PPARGC1A: variants seen among roughly 807,000 people sequenced by gnomAD.
PPARGC1A encodes the protein peroxisome proliferator-activated receptor gamma coactivator 1-alpha.
In PPARGC1A, 25 loss-of-function variants were observed where a neutral mutation model predicts 88.7. The ratio of observed to expected loss-of-function variants is 0.28; its 90% CI spans 0.21 to 0.39. The LOEUF (loss-of-function observed/expected upper bound fraction) is 0.39, where lower values mean the gene tolerates loss of function less well. Among genes scored for constraint, PPARGC1A ranks in the 10% least tolerant of loss-of-function variants. The pLI, the probability that PPARGC1A is intolerant of heterozygous loss-of-function variation, is 1.00. For synonymous variants in PPARGC1A, 363 were observed against 355.6 expected (o/e 1.02, Z -0.24); for missense variants, 880 against 968.7 (o/e 0.91, Z 1.22).
At chr4:24,148,847 C>T in the PPARGC1A span, among the ~76,000 whole-genome samples, 2 of 152,168 alleles carry the variant, frequency 1.3e-5, no homozygotes, top group African/African-American at 4.8e-5. Context: ...TACGTCTTCT[C>T]CATAAGTAAG....
the PPARGC1A span, among the ~76,000 whole-genome samples, chr4:24,404,345 T>G: frequency 6.6e-6 from 1 of 151,228 alleles, no homozygotes; most frequent in African/African-American, 2.4e-5. Flanking sequence ...AGAAAGCAAT[T>G]TAAGGGAACA....
the PPARGC1A span, among the ~76,000 whole-genome samples, chr4:24,166,688 T>C: frequency 6.6e-6 from 1 of 152,200 alleles, no homozygotes; most frequent in African/African-American, 2.4e-5. Flanking sequence ...ATGCTAAATA[T>C]ATTGTGTCTC....
the PPARGC1A span, among the ~76,000 whole-genome samples, chr4:24,226,965 G>A: frequency 1.3e-5 from 2 of 152,154 alleles, no homozygotes; most frequent in African/African-American, 4.8e-5. Context: ...AGTCAAAAGA[G>A]AAAACCCCTA....
At chr4:24,404,844 T>C in the PPARGC1A span, among the ~76,000 whole-genome samples, 1 of 152,220 alleles carries the variant, frequency 6.6e-6, no homozygotes, top group Admixed American at 6.5e-5. Flanking sequence ...TCAAGCAACT[T>C]CAAACTGCCA....
the PPARGC1A span, among the ~76,000 whole-genome samples, chr4:24,425,213 G>A: frequency 6.6e-6 from 1 of 152,126 alleles, no homozygotes; most frequent in Non-Finnish European, 1.5e-5. Context: ...GATGGTAACA[G>A]ATTACAGAGG....
chr4:24,011,185 T>C, the PPARGC1A span, among the ~76,000 whole-genome samples: 1 of 152,168 alleles, frequency 6.6e-6, no homozygotes, highest in African/African-American at 2.4e-5. Flanking sequence ...AATAATAGAC[T>C]TTAGAGTAAG....
the PPARGC1A span, among the ~76,000 whole-genome samples, chr4:23,958,634 T>C: frequency 6.6e-6 from 1 of 152,244 alleles, no homozygotes; most frequent in African/African-American, 2.4e-5. Context: ...TACATACCTA[T>C]GTTTGTGAGC....
chr4:24,112,373 A>T, the PPARGC1A span, among the ~76,000 whole-genome samples: 14 of 152,158 alleles, frequency 9.2e-5, no homozygotes, highest in Admixed American at 2.0e-4. Flanking sequence ...CAGAAATCTG[A>T]AATTTTTTTT....
At chr4:24,350,558 G>C in the PPARGC1A span, among the ~76,000 whole-genome samples, 1 of 152,044 alleles carries the variant, frequency 6.6e-6, no homozygotes, top group African/African-American at 2.4e-5. Flanking sequence ...CCTACTGAAC[G>C]CATAAAACTG....
At chr4:24,036,825 A>C in the PPARGC1A span, among the ~76,000 whole-genome samples, 1 of 152,248 alleles carries the variant, frequency 6.6e-6, no homozygotes, top group Admixed American at 6.5e-5. Flanking sequence ...TGTATAACTA[A>C]GATTAATGTA....
At chr4:24,316,207 G>A in the PPARGC1A span, among the ~76,000 whole-genome samples, 3 of 152,218 alleles carry the variant, frequency 2.0e-5, no homozygotes, top group African/African-American at 7.2e-5. Flanking sequence ...ATGCTGAATT[G>A]TCAAGACCAT....
At chr4:23,924,207 C>T in the PPARGC1A span, among the ~76,000 whole-genome samples, 1 of 152,248 alleles carries the variant, frequency 6.6e-6, no homozygotes, top group African/African-American at 2.4e-5. Flanking sequence ...TCTTCAACTT[C>T]TTGGCAACCC....
the PPARGC1A span, among the ~76,000 whole-genome samples, chr4:24,088,242 C>T: frequency 6.6e-6 from 1 of 152,016 alleles, no homozygotes; most frequent in African/African-American, 2.4e-5. Context: ...GTAGTCCCAA[C>T]TACTCAGGAG....
At chr4:24,453,631 T>A in the PPARGC1A span, among the ~76,000 whole-genome samples, 10 of 152,200 alleles carry the variant, frequency 6.6e-5, no homozygotes, top group African/African-American at 1.2e-4. Context: ...TACAAAAAAA[T>A]TAGCTGGGCG....
chr4:24,052,152 G>T, the PPARGC1A span, among the ~76,000 whole-genome samples: 1 of 152,282 alleles, frequency 6.6e-6, no homozygotes, highest in African/African-American at 2.4e-5. Flanking sequence ...TGCTATTATT[G>T]AAAATCATAT....
chr4:24,440,114 C>T, the PPARGC1A span, among the ~76,000 whole-genome samples: 1 of 152,178 alleles, frequency 6.6e-6, no homozygotes, highest in Non-Finnish European at 1.5e-5. Flanking sequence ...ATTTGTTTCA[C>T]AATTAATCCT....
chr4:24,354,249 C>A, the PPARGC1A span, among the ~76,000 whole-genome samples: 1 of 152,066 alleles, frequency 6.6e-6, no homozygotes, highest in Non-Finnish European at 1.5e-5. Context: ...TTGGGCCCAC[C>A]GGGATAATCC....
the PPARGC1A span, among the ~76,000 whole-genome samples, chr4:24,200,336 C>A: frequency 2.5e-3 from 378 of 151,938 alleles, 2 homozygotes; most frequent in African/African-American, 8.9e-3. Context: ...CATGGTGAAA[C>A]CCTGTCTCTA....
At chr4:23,797,101 CAT>C (rs1044939002) in intron 12 of PPARGC1A, among the ~76,000 whole-genome samples, 5 of 152,164 alleles carry the variant, frequency 3.3e-5, no homozygotes, top group Non-Finnish European at 7.4e-5. Context: ...GTTTTCCTTT[CAT>C]TCTGATCACC....
Sources: allele counts gnomAD v4.1 joint callset (sites outside exome capture counted in the v4.1 genomes callset), GRCh38; gene constraint gnomAD v4.1.1; transcripts MANE v1.5; gene names NCBI Gene and HGNC (gene_info 2026-07-23, HGNC 2026-07-21).